ANKRD12: variants seen among roughly 807,000 people sequenced by gnomAD.
The protein encoded by ANKRD12 is ankyrin repeat domain-containing protein 12.
Under a neutral mutation model 183.4 loss-of-function variants are expected in ANKRD12, and 85 were observed. That is an observed-to-expected ratio of 0.46 (90% CI 0.39 to 0.56). ANKRD12 has a LOEUF of 0.56. ANKRD12 is among the 20% of genes least tolerant of loss of function. The probability of loss-of-function intolerance (pLI) is 0.00; values close to 1 mark genes in which losing one functional copy is unlikely to be tolerated. For synonymous variants in ANKRD12, 914 were observed against 800.2 expected (o/e 1.14, Z -2.40); for missense variants, 2,405 against 2,357.1 (o/e 1.02, Z -0.42).
chr18:9,277,279 C>T (rs1212630863), intron 11 of ANKRD12, among the ~76,000 whole-genome samples: 1 of 151,550 alleles, frequency 6.6e-6, no homozygotes, highest in Non-Finnish European at 1.5e-5. Context: ...TATGATTGCG[C>T]CCGCTGCACT....
chr18:9,151,910 T>C (rs957539599), intron 1 of ANKRD12, among the ~76,000 whole-genome samples: 1 of 152,168 alleles, frequency 6.6e-6, no homozygotes, highest in Non-Finnish European at 1.5e-5. Flanking sequence ...TTTCATAATA[T>C]AGATGATGAA....
At chr18:9,189,587 A>T (rs939001231) in intron 2 of ANKRD12, among the ~76,000 whole-genome samples, 14 of 152,210 alleles carry the variant, frequency 9.2e-5, no homozygotes, top group African/African-American at 3.4e-4. Context: ...TTAGGGACAA[A>T]TGCAGCTGAC....
At chr18:9,214,209 GTCTGT>G (rs2035963807) in intron 6 of ANKRD12, among the ~76,000 whole-genome samples, 1 of 152,036 alleles carries the variant, frequency 6.6e-6, no homozygotes, top group Non-Finnish European at 1.5e-5. Context: ...CTACATACTA[GTCTGT>G]TCTATCACTT....
intron 10 of ANKRD12, among the ~76,000 whole-genome samples, chr18:9,272,211 C>T (rs578096264): frequency 6.6e-6 from 1 of 152,268 alleles, no homozygotes; most frequent in Admixed American, 6.5e-5. Flanking sequence ...AGGTAAGCAA[C>T]ATTTATCATA....
At chr18:9,157,585 G>GTATATATATATATATATATA (rs1380048925) in intron 1 of ANKRD12, among the ~76,000 whole-genome samples, 4 of 92,678 alleles carry the variant, frequency 4.3e-5, no homozygotes, top group African/African-American at 2.1e-4. Context: ...GTGTGTGTGT[G>GTATATATATATATATATATA]TATATATATA....
intron 8 of ANKRD12, among the ~76,000 whole-genome samples, chr18:9,232,176 A>G (rs1241012794): frequency 1.3e-5 from 2 of 151,900 alleles, no homozygotes; most frequent in South Asian, 2.1e-4. Context: ...CTACCATTTG[A>G]TTATTTTCTC....
At chr18:9,279,741 G>A in intron 12 of ANKRD12, 97 bp downstream of exon 12, 1 of 672,204 alleles carries the variant, frequency 1.5e-6, no homozygotes, top group Non-Finnish European at 2.5e-6. Context: ...ATTAGGAGGG[G>A]AAATACTGGT....
intron 6 of ANKRD12, among the ~76,000 whole-genome samples, chr18:9,215,838 A>G (rs1017517837): frequency 3.3e-5 from 5 of 152,108 alleles, no homozygotes; most frequent in Admixed American, 1.3e-4. Flanking sequence ...AAGTTTCAAA[A>G]TATGGATCTT....
chr18:9,170,035 T>C (rs1241187285), intron 1 of ANKRD12, among the ~76,000 whole-genome samples: 1 of 152,244 alleles, frequency 6.6e-6, no homozygotes, highest in Non-Finnish European at 1.5e-5. Flanking sequence ...ATGTTGAATA[T>C]TGGTCCCCAC....
intron 1 of ANKRD12, among the ~76,000 whole-genome samples, chr18:9,150,527 T>G (rs2078650622): frequency 6.6e-6 from 1 of 152,244 alleles, no homozygotes; most frequent in African/African-American, 2.4e-5. Context: ...AACATTGTTT[T>G]AAGGACATTG....
chr18:9,246,090 A>G (rs917373706), intron 8 of ANKRD12, among the ~76,000 whole-genome samples: 4 of 152,238 alleles, frequency 2.6e-5, no homozygotes, highest in Non-Finnish European at 4.4e-5. Context: ...ATAGAATTGC[A>G]TAAGTACAGT....
At chr18:9,273,662 A>G (rs2039706179) in intron 10 of ANKRD12, among the ~76,000 whole-genome samples, 1 of 152,198 alleles carries the variant, frequency 6.6e-6, no homozygotes, top group South Asian at 2.1e-4. Flanking sequence ...ATGCATCCAA[A>G]CAAAAACTTG....
At chr18:9,236,592 A>G (rs879358496) in intron 8 of ANKRD12, among the ~76,000 whole-genome samples, 9 of 152,208 alleles carry the variant, frequency 5.9e-5, no homozygotes, top group Non-Finnish European at 1.2e-4. Context: ...CAAAAATTCA[A>G]AGAGAATCAT....
intron 2 of ANKRD12, among the ~76,000 whole-genome samples, chr18:9,187,907 C>G (rs907196157): frequency 1.3e-5 from 2 of 152,130 alleles, no homozygotes; most frequent in African/African-American, 4.8e-5. Flanking sequence ...TCATTATTTC[C>G]TCTCCAAGTG....
chr18:9,189,167 G>A (rs1254494571), intron 2 of ANKRD12, among the ~76,000 whole-genome samples: 1 of 152,192 alleles, frequency 6.6e-6, no homozygotes, highest in Non-Finnish European at 1.5e-5. Context: ...TATGGAGGAA[G>A]TTTGGAGTGG....
rs138156236 is a variant in ANKRD12, at chr18:9,245,097, A to G, written c.944-9114A>G. 1.2e-3 allele frequency among the ~76,000 whole-genome samples: 185 copies of G among 152,286 alleles called. 1 individual carries two copies. Among genetic ancestry groups the G allele is most frequent in the African/African-American group, 4.3e-3 (177 of 41,570 alleles). ...AGCCCATCTGAATAAAAAAAGCCAT[A>G]TAAACAAATACCATTCCCAATGTAA... On this transcript the variant is annotated intron_variant, in intron 8 of 12. Transcript: ENST00000262126.
chr18:9,199,107 G>C (rs967209102), intron 3 of ANKRD12, among the ~76,000 whole-genome samples: 2 of 152,050 alleles, frequency 1.3e-5, no homozygotes, highest in African/African-American at 4.8e-5. Flanking sequence ...AGATTGGCCA[G>C]CAGAGTGAGA....
chr18:9,264,300 G>A (rs902621187), intron 10 of ANKRD12, among the ~76,000 whole-genome samples: 9 of 152,240 alleles, frequency 5.9e-5, no homozygotes, highest in African/African-American at 2.2e-4. Context: ...CCTTCCAATG[G>A]TTAGTCTTGG....
intron 1 of ANKRD12, among the ~76,000 whole-genome samples, chr18:9,142,291 C>T (rs748079560): frequency 2.0e-5 from 3 of 152,186 alleles, no homozygotes; most frequent in Non-Finnish European, 4.4e-5. Flanking sequence ...GTGCTTTTTA[C>T]ATCTGATTCT....
Sources: allele counts gnomAD v4.1 joint callset (sites outside exome capture counted in the v4.1 genomes callset), GRCh38; gene constraint gnomAD v4.1.1; transcripts MANE v1.5; gene names NCBI Gene and HGNC (gene_info 2026-07-23, HGNC 2026-07-21).